Variants in ZNF280D observed in about 807,000 individuals in gnomAD.
ZNF280D encodes suppressor of hairy wing homolog 4.
In ZNF280D, 39 loss-of-function variants were observed where a neutral mutation model predicts 94.7. The observed-to-expected ratio is 0.41, with a 90% confidence interval of 0.32 to 0.54. The LOEUF (loss-of-function observed/expected upper bound fraction) is 0.54. Ranked by LOEUF, ZNF280D falls within the 20% of genes least tolerant of loss-of-function variation. The probability of loss-of-function intolerance (pLI) is 0.22; values close to 1 mark genes in which losing one functional copy is unlikely to be tolerated. For synonymous variants in ZNF280D, 398 were observed against 377.6 expected (o/e 1.05, Z -0.63); for missense variants, 1,090 against 1,149.3 (o/e 0.95, Z 0.75).
chr15:56,647,174 A>C (rs538256455), intron 19 of ZNF280D, among the ~76,000 whole-genome samples: 1 of 152,224 alleles, frequency 6.6e-6, no homozygotes, highest in African/African-American at 2.4e-5. Flanking sequence ...ACAAGCTGAG[A>C]GTCCAGTTAA....
chr15:56,638,471 T>C (rs1459884747), intron 20 of ZNF280D, among the ~76,000 whole-genome samples: 3 of 152,154 alleles, frequency 2.0e-5, no homozygotes, highest in Admixed American at 6.6e-5. Context: ...ATCACAATTA[T>C]TGGAAAAGAT....
intron 17 of ZNF280D, among the ~76,000 whole-genome samples, chr15:56,657,932 T>C (rs1379174065): frequency 1.3e-5 from 2 of 152,092 alleles, no homozygotes; most frequent in Non-Finnish European, 2.9e-5. Context: ...ATGTTCACAG[T>C]AGTATTATTC....
At chr15:56,720,008 G>T (rs1436352447) in intron 1 of ZNF280D, among the ~76,000 whole-genome samples, 1 of 152,024 alleles carries the variant, frequency 6.6e-6, no homozygotes, top group Non-Finnish European at 1.5e-5. Flanking sequence ...GGTAGTGGCT[G>T]GCTGAAGGTT....
At chr15:56,665,780 A>G (rs1232632864) in intron 16 of ZNF280D, among the ~76,000 whole-genome samples, 5 of 152,184 alleles carry the variant, frequency 3.3e-5, no homozygotes, top group African/African-American at 1.2e-4. Context: ...TAAAAATTTA[A>G]AATTCTGTTG....
At chr15:56,675,938 G>A (rs531637301) in intron 13 of ZNF280D, among the ~76,000 whole-genome samples, 1 of 152,136 alleles carries the variant, frequency 6.6e-6, no homozygotes, top group African/African-American at 2.4e-5. Flanking sequence ...AACAGGATTA[G>A]TATTGCATCA....
At chr15:56,688,832 CATTAT>C in intron 9 of ZNF280D, 1 of 321,368 alleles carries the variant, frequency 3.1e-6, no homozygotes, top group Non-Finnish European at 5.6e-6. Flanking sequence ...AATAAGCATA[CATTAT>C]AATATATACA....
At chr15:56,677,752 A>G (rs549372551) in intron 11 of ZNF280D, 78 bp from the exon 12 acceptor site, 1 of 474,444 alleles carries the variant, frequency 2.1e-6, no homozygotes, top group Admixed American at 4.3e-5. Flanking sequence ...TATATCAACA[A>G]CAATAACAGT....
At position 56,664,338 on chromosome 15, in the gene ZNF280D, A is replaced by C. The variant is rs2054150370; in HGVS notation, c.1994+2057T>G. Among the ~76,000 whole-genome samples the C allele has an allele frequency of 2.0e-5, 3 of 152,338 alleles. No individual in the cohort carries two copies. In the South Asian group the frequency reaches 6.2e-4, roughly 32 times the overall value. On this transcript the variant is annotated intron_variant, in intron 16 of 21. Coordinates refer to ENST00000267807, the MANE Select transcript of ZNF280D (RefSeq NM_017661.4). ...AATAAGGAAAACAGGCAGTTGGGACAAACTGTCCTCTTCCAAAAAATTTTT... is the reference window on the plus strand; with the variant it reads ...AATAAGGAAAACAGGCAGTTGGGACCAACTGTCCTCTTCCAAAAAATTTTT...
rs1206545451 is a variant in ZNF280D, at chr15:56,687,622, T to G, written c.780+1419A>C. Reference sequence around the variant, plus strand: ...TTAATTTTGAATCATGTGACTGTATTGCTACCTACTTAAAAAATTAAACAG... The same window carrying G: ...TTAATTTTGAATCATGTGACTGTATGGCTACCTACTTAAAAAATTAAACAG... On this transcript the variant is annotated intron_variant, in intron 9 of 21. Transcript: ENST00000267807. 2.0e-5 allele frequency among the ~76,000 whole-genome samples: 3 copies of G among 152,224 alleles called. No homozygotes were observed. In the East Asian group the frequency reaches 5.8e-4, roughly 29 times the overall value.
chr15:56,701,290 TTAAGA>T, intron 4 of ZNF280D, 52 bp from the exon 5 acceptor site: 3 of 1,199,002 alleles, frequency 2.5e-6, no homozygotes, highest in South Asian at 2.9e-5. Context: ...GAAATACATA[TTAAGA>T]TAATAGAAAT....
chr15:56,644,949 C>T (rs1260841984), intron 19 of ZNF280D, among the ~76,000 whole-genome samples: 1 of 151,982 alleles, frequency 6.6e-6, no homozygotes, highest in African/African-American at 2.4e-5. Flanking sequence ...GGAACAGAAT[C>T]GTAATAACTA....
chr15:56,633,061 A>G (rs1434139607), intron 21 of ZNF280D, among the ~76,000 whole-genome samples: 1 of 152,168 alleles, frequency 6.6e-6, no homozygotes, highest in Non-Finnish European at 1.5e-5. Flanking sequence ...GAGAAACAAG[A>G]TTTCTAAGAA....
At chr15:56,726,010 G>T (rs1160837885) in intron 1 of ZNF280D, among the ~76,000 whole-genome samples, 1 of 152,010 alleles carries the variant, frequency 6.6e-6, no homozygotes, top group Non-Finnish European at 1.5e-5. Flanking sequence ...TAAGCAAAAA[G>T]CCTAAATACA....
At position 56,663,281 on chromosome 15, in the gene ZNF280D, CAAAAAAA is replaced by C. The variant is rs59183252; in HGVS notation, c.1994+3107_1994+3113del. ...CCTGGGTTGGAGTGAGACCCTTTCT[CAAAAAAA>C]AAAAAAAAAAAGGAAAAAAGAAAGA... On this transcript the variant is annotated intron_variant, in intron 16 of 21. Transcript: ENST00000267807. Among the ~76,000 whole-genome samples the C allele has an allele frequency of 3.0e-3, 310 of 102,476 alleles. 1 individual carries two copies. Among genetic ancestry groups the C allele is most frequent in the African/African-American group, 0.011 (292 of 25,598 alleles). The allele number at this position is 102,476 out of a possible 152,430, so 67.2% of individuals were successfully genotyped here. A position where few individuals can be genotyped will look rare whatever the true frequency, so the allele number is the denominator to read the frequency against.
In ZNF280D at chr15:56,635,256, ATAAT is replaced by A. The variant is rs1426538010; in HGVS notation, c.2260-10_2260-7del. Reference sequence around the variant, plus strand: ...ATGTTAGGTCTTGCAATTTCCTGAAATAATTAATAATACTTTTCTTTTACATTCA... The same window carrying A: ...ATGTTAGGTCTTGCAATTTCCTGAAATAATAATACTTTTCTTTTACATTCA... On this transcript the variant is annotated splice_region_variant and splice_polypyrimidine_tract_variant and intron_variant, in intron 20 of 21. Coordinates refer to ENST00000267807, the MANE Select transcript of ZNF280D (RefSeq NM_017661.4). 17 of 1,482,940 alleles carry A rather than the reference ATAAT, an allele frequency of 1.1e-5. No homozygotes were observed. In the East Asian group the frequency reaches 4.0e-4, roughly 35 times the overall value. The allele number at this position is 1,482,940 out of a possible 1,614,324, so 91.9% of individuals were successfully genotyped here. A position where few individuals can be genotyped will look rare whatever the true frequency, so the allele number is the denominator to read the frequency against.
chr15:56,700,024 T>C (rs2056965819), intron 6 of ZNF280D: 1 of 191,748 alleles, frequency 5.2e-6, no homozygotes, highest in Non-Finnish European at 9.6e-6. Context: ...CCAGTGCAAA[T>C]GCCAACACAG....
At chr15:56,725,046 G>A in intron 1 of ZNF280D, 1 of 322,400 alleles carries the variant, frequency 3.1e-6, no homozygotes, top group Non-Finnish European at 6.2e-6. Context: ...CAGAGATTAG[G>A]ATTATACCTA....
chr15:56,718,742 C>G (rs1418896243), intron 1 of ZNF280D, among the ~76,000 whole-genome samples: 1 of 152,200 alleles, frequency 6.6e-6, no homozygotes, highest in Non-Finnish European at 1.5e-5. Flanking sequence ...TCAGTCAAAA[C>G]TGAGCTGAGC....
chr15:56,656,740 C>G (rs549862142), intron 17 of ZNF280D, among the ~76,000 whole-genome samples: 3 of 151,910 alleles, frequency 2.0e-5, no homozygotes, highest in East Asian at 3.9e-4. Context: ...CAGGCACAGA[C>G]AAAAAAACCA....
Sources: gnomAD v4.1 joint callset for allele counts (sites outside exome capture counted in the v4.1 genomes callset) on GRCh38, gnomAD v4.1.1 for gene constraint, MANE v1.5 for transcripts, NCBI Gene and HGNC (gene_info 2026-07-23, HGNC 2026-07-21) for gene names.